Variants in PRR16 observed in about 807,000 individuals in gnomAD.
The protein encoded by PRR16 is protein Largen.
In PRR16, 6 loss-of-function variants were observed where a neutral mutation model predicts 18.2. The observed-to-expected ratio is 0.33, with a 90% confidence interval of 0.18 to 0.65. The LOEUF is 0.65. Ranked by LOEUF, PRR16 falls within the 30% of genes least tolerant of loss-of-function variation. The pLI is 0.74. For synonymous variants in PRR16, 151 were observed against 147.8 expected, an observed-to-expected ratio of 1.02 and a Z score of -0.16; for missense variants, 412 against 376.6, an observed-to-expected ratio of 1.09 and a Z score of -0.78.
chr5:120,774,860 G>C, the PRR16 span, among the ~76,000 whole-genome samples: 1 of 152,076 alleles, frequency 6.6e-6, no homozygotes, highest in Non-Finnish European at 1.5e-5. Flanking sequence ...ATATTTATAA[G>C]AGAGCAGGTC....
At position 120,583,958 on chromosome 5, in the gene PRR16, A is replaced by T. The variant is rs143190314; in HGVS notation, c.160-101996A>T. Among the ~76,000 whole-genome samples, 15 of 152,356 alleles carry T rather than the reference A, an allele frequency of 9.8e-5. No individual in the cohort carries two copies. In the East Asian group the frequency reaches 2.9e-3, roughly 29 times the overall value. On this transcript the variant is annotated intron_variant, in intron 1 of 1. Coordinates refer to ENST00000407149, the MANE Select transcript of PRR16 (RefSeq NM_001300783.2). ...ACTTACTAAGTATCTGTTATGGGTCAAGCACTGTGTGCTGTGATGAAAGAA... is the reference window on the plus strand; with the variant it reads ...ACTTACTAAGTATCTGTTATGGGTCTAGCACTGTGTGCTGTGATGAAAGAA...
At chr5:120,721,019 T>G in the PRR16 span, among the ~76,000 whole-genome samples, 27 of 152,208 alleles carry the variant, frequency 1.8e-4, no homozygotes, top group African/African-American at 6.5e-4. Context: ...CCGAAAAAGG[T>G]TATATTGATG....
intron 1 of PRR16, among the ~76,000 whole-genome samples, chr5:120,583,141 A>AAAGTCATTTTGTCCT (rs1186535182): frequency 6.6e-6 from 1 of 152,196 alleles, no homozygotes; most frequent in Non-Finnish European, 1.5e-5. Context: ...CAGCCAAGCT[A>AAAGTCATTTTGTCCT]AAGTCATTTT....
At chr5:120,476,301 C>A (rs190619051) in intron 1 of PRR16, among the ~76,000 whole-genome samples, 1 of 152,272 alleles carries the variant, frequency 6.6e-6, no homozygotes, top group East Asian at 1.9e-4. Flanking sequence ...GTCTTTCCTT[C>A]AGTGAGTAAC....
chr5:120,703,994 A>G, the PRR16 span, among the ~76,000 whole-genome samples: 1 of 152,170 alleles, frequency 6.6e-6, no homozygotes, highest in African/African-American at 2.4e-5. Flanking sequence ...TTAGATACTG[A>G]TGATACAGCT....
intron 1 of PRR16, among the ~76,000 whole-genome samples, chr5:120,614,578 T>C (rs1754445181): frequency 6.6e-6 from 1 of 152,260 alleles, no homozygotes; most frequent in Admixed American, 6.5e-5. Context: ...TTTTCCACTT[T>C]GGTTTGATTA....
intron 1 of PRR16, among the ~76,000 whole-genome samples, chr5:120,596,816 A>C (rs922194208): frequency 6.6e-6 from 1 of 151,706 alleles, no homozygotes; most frequent in Non-Finnish European, 1.5e-5. Context: ...TAAAATATGC[A>C]TAATTTTAAA....
chr5:120,712,622 GA>G, the PRR16 span, among the ~76,000 whole-genome samples: 139 of 151,286 alleles, frequency 9.2e-4, no homozygotes, highest in Non-Finnish European at 1.7e-3. Flanking sequence ...AATAGTAAAA[GA>G]AAAAAAATCC....
the PRR16 span, among the ~76,000 whole-genome samples, chr5:120,740,706 T>G: frequency 6.6e-6 from 1 of 152,282 alleles, no homozygotes; most frequent in African/African-American, 2.4e-5. Flanking sequence ...AATTCTGGAA[T>G]CAGTTTTCCA....
At chr5:120,691,673 T>C (rs569843656), downstream of PRR16, among the ~76,000 whole-genome samples, 28 of 152,310 alleles carry the variant, frequency 1.8e-4, no homozygotes, top group African/African-American at 6.7e-4. Context: ...CTCTCTCTAA[T>C]AAAAGCATTT....
chr5:120,767,596 A>G, the PRR16 span, among the ~76,000 whole-genome samples: 2 of 151,868 alleles, frequency 1.3e-5, no homozygotes, highest in African/African-American at 4.8e-5. Context: ...CACCTCCCTG[A>G]GAATACAGAA....
intron 1 of PRR16, among the ~76,000 whole-genome samples, chr5:120,488,063 A>C (rs780998032): frequency 7.2e-5 from 11 of 152,180 alleles, no homozygotes; most frequent in Non-Finnish European, 1.6e-4. Context: ...TATTTTATTG[A>C]GGATTTTTGC....
At chr5:120,792,820 C>T in the PRR16 span, among the ~76,000 whole-genome samples, 22 of 152,130 alleles carry the variant, frequency 1.4e-4, no homozygotes, top group African/African-American at 5.3e-4. Flanking sequence ...TTTAATTACA[C>T]GTTAACAAAA....
At chr5:120,761,543 A>G in the PRR16 span, among the ~76,000 whole-genome samples, 1 of 152,164 alleles carries the variant, frequency 6.6e-6, no homozygotes. Flanking sequence ...TTATACATAA[A>G]TCAAAAGTTT....
the PRR16 span, among the ~76,000 whole-genome samples, chr5:120,722,033 C>T: frequency 6.6e-6 from 1 of 151,990 alleles, no homozygotes; most frequent in Non-Finnish European, 1.5e-5. Flanking sequence ...AGCCCCCTAC[C>T]TGCCAACAGG....
At chr5:120,722,125 G>A in the PRR16 span, among the ~76,000 whole-genome samples, 1 of 152,024 alleles carries the variant, frequency 6.6e-6, no homozygotes, top group Non-Finnish European at 1.5e-5. Context: ...AATGTGGTTT[G>A]GTTTTCTGTT....
chr5:120,617,148 T>C, intron 1 of PRR16: 1 of 985,402 alleles, frequency 1.0e-6, no homozygotes, highest in Non-Finnish European at 1.2e-6. Flanking sequence ...GAAACAGTGC[T>C]GCAGGCATAC....
At chr5:120,651,081 A>G (rs1755766726) in intron 1 of PRR16, among the ~76,000 whole-genome samples, 1 of 152,128 alleles carries the variant, frequency 6.6e-6, no homozygotes, top group South Asian at 2.1e-4. Flanking sequence ...ATGGCCAGTG[A>G]TGATGAGCAT....
At chr5:120,639,773 G>C (rs1478466993) in intron 1 of PRR16, among the ~76,000 whole-genome samples, 2 of 151,458 alleles carry the variant, frequency 1.3e-5, no homozygotes, top group African/African-American at 4.9e-5. Flanking sequence ...AATCAATCCA[G>C]CAATCCAAAT....
Sources: allele counts gnomAD v4.1 joint callset (sites outside exome capture counted in the v4.1 genomes callset), GRCh38; gene constraint gnomAD v4.1.1; transcripts MANE v1.5; gene names NCBI Gene and HGNC (gene_info 2026-07-23, HGNC 2026-07-21).